The following CUX1 variants were observed in gnomAD, a reference collection of about 807,000 sequenced individuals.
The protein encoded by CUX1 is protein CASP.
CUX1 carries 31 observed loss-of-function variants against 158.8 expected under a neutral mutation model. The observed-to-expected ratio is 0.20, with a 90% CI of 0.15 to 0.26. CUX1 has a LOEUF of 0.26. CUX1 is among the 10% of genes least tolerant of loss of function. The probability of loss-of-function intolerance (pLI) is 1.00; values close to 1 mark genes in which losing one functional copy is unlikely to be tolerated. For missense variants in CUX1, 1,589 were observed against 2,014.6 expected (o/e 0.79, Z 4.04); for synonymous variants, 879 against 862.1 (o/e 1.02, Z -0.34).
At chr7:101,900,308 G>A (rs1401465836) in intron 1 of CUX1, among the ~76,000 whole-genome samples, 1 of 152,202 alleles carries the variant, frequency 6.6e-6, no homozygotes, top group African/African-American at 2.4e-5. Flanking sequence ...GTTTCCTGGT[G>A]GCAGCCAGCG....
intron 1 of CUX1, among the ~76,000 whole-genome samples, chr7:101,886,565 C>T (rs1800249145): frequency 6.6e-6 from 1 of 152,176 alleles, no homozygotes; most frequent in African/African-American, 2.4e-5. Context: ...AGGCTTTTGC[C>T]ACCAACACGA....
Position 102,234,177 on chromosome 7 carries a change from C to T in CUX1, c.3559C>T (p.Leu1187=), listed in dbSNP as rs1391592022. 8 of 1,599,392 alleles carry T rather than the reference C, an allele frequency of 5.0e-6. No homozygotes were observed. Among genetic ancestry groups the T allele is most frequent in the Non-Finnish European group, 8.5e-7 (1 of 1,173,880 alleles). The part of the protein sequence containing the change: ...KGREPFVRMQ[L]WLNDPNNVEK... Reference sequence around the variant, plus strand: ...ACGAGAGCCCTTCGTCCGGATGCAGCTGTGGCTGAACGACCCCAACAATGT... The same window carrying T: ...ACGAGAGCCCTTCGTCCGGATGCAGTTGTGGCTGAACGACCCCAACAATGT... The change falls in exon 22 of 24, where the codon CTG becomes TTG. Residue 1187 remains leucine, a synonymous_variant. Transcript: ENST00000292535.
At chr7:101,906,047 A>C (rs1802717284) in intron 1 of CUX1, among the ~76,000 whole-genome samples, 1 of 151,828 alleles carries the variant, frequency 6.6e-6, no homozygotes, top group Non-Finnish European at 1.5e-5. Flanking sequence ...GCTGGTCTCA[A>C]AGTACTGGGC....
intron 2 of CUX1, among the ~76,000 whole-genome samples, chr7:101,985,246 G>C (rs1308635062): frequency 6.6e-6 from 1 of 152,170 alleles, no homozygotes; most frequent in Non-Finnish European, 1.5e-5. Flanking sequence ...TTTCACCTTT[G>C]GTTCTGAGCT....
At chr7:101,865,185 A>C (rs949853432) in intron 1 of CUX1, among the ~76,000 whole-genome samples, 8 of 152,092 alleles carry the variant, frequency 5.3e-5, no homozygotes, top group South Asian at 2.1e-4. Context: ...CGCTGACACC[A>C]TTTCGAGGTC....
chr7:102,240,599 G>T (rs1399704141), intron 23 of CUX1, among the ~76,000 whole-genome samples: 2 of 152,070 alleles, frequency 1.3e-5, no homozygotes, highest in Non-Finnish European at 2.9e-5. Context: ...CTTTCTCGGG[G>T]TCTTCTGCCA....
At chr7:101,969,359 C>CAAAAAAAAAAAAAAAAAAAAAAAACAA (rs10711703) in intron 2 of CUX1, among the ~76,000 whole-genome samples, 2 of 56,116 alleles carry the variant, frequency 3.6e-5, no homozygotes, top group African/African-American at 7.4e-5. Context: ...CAAAAAACAG[C>CAAAAAAAAAAAAAAAAAAAAAAAACAA]AAAAAAAAAA....
At position 102,255,831 on chromosome 7, in the gene CUX1, T is replaced by C; in HGVS notation, c.*6789T>C. ...CCCCCTTTTCCTTCTTCTTTTTTATTATTTTATTATTTTTTTTGTACTTTG... is the reference window on the plus strand; with the variant it reads ...CCCCCTTTTCCTTCTTCTTTTTTATCATTTTATTATTTTTTTTGTACTTTG... On this transcript the variant is annotated 3_prime_UTR_variant, in exon 24 of 24. Transcript: ENST00000292535. 1.0e-6 allele frequency: 1 copy of C among 982,344 alleles called. No homozygotes were observed. Among genetic ancestry groups the C allele is most frequent in the Middle Eastern group, 5.3e-4 (1 of 1,902 alleles). The allele number at this position is 982,344 out of a possible 1,614,324, so 60.9% of individuals were successfully genotyped here.
At chr7:102,013,521 T>C (rs549836084) in intron 2 of CUX1, among the ~76,000 whole-genome samples, 16 of 152,278 alleles carry the variant, frequency 1.1e-4, no homozygotes, top group African/African-American at 3.6e-4. Context: ...AAAGCTTGCT[T>C]AGAGGAATTC....
At chr7:102,019,446 A>C (rs1819077759) in intron 2 of CUX1, among the ~76,000 whole-genome samples, 1 of 152,050 alleles carries the variant, frequency 6.6e-6, no homozygotes, top group Admixed American at 6.6e-5. Flanking sequence ...GCTGGTCTTG[A>C]ACTCCTGCCC....
chr7:102,180,059 T>G (rs1792858486), intron 11 of CUX1, among the ~76,000 whole-genome samples: 1 of 152,206 alleles, frequency 6.6e-6, no homozygotes, highest in African/African-American at 2.4e-5. Context: ...TTTTCGCTTT[T>G]GTCGCCGAGA....
intron 20 of CUX1, among the ~76,000 whole-genome samples, chr7:102,215,682 C>T (rs1796980469): frequency 6.6e-6 from 1 of 152,198 alleles, no homozygotes; most frequent in South Asian, 2.1e-4. Context: ...AAAATCTCAA[C>T]TTGGTTCTGC....
At chr7:101,882,397 T>C (rs1186181950) in intron 1 of CUX1, among the ~76,000 whole-genome samples, 3 of 152,054 alleles carry the variant, frequency 2.0e-5, no homozygotes, top group African/African-American at 7.2e-5. Context: ...CAAAAGTGTC[T>C]CTTCAGAGAC....
At chr7:102,239,891 C>T (rs1406330341) in intron 23 of CUX1, among the ~76,000 whole-genome samples, 2 of 152,146 alleles carry the variant, frequency 1.3e-5, no homozygotes, top group African/African-American at 2.4e-5. Flanking sequence ...GGATTACAGG[C>T]ATGCACCACC....
chr7:101,924,429 G>C (rs1261734724), intron 2 of CUX1, among the ~76,000 whole-genome samples: 2 of 152,122 alleles, frequency 1.3e-5, no homozygotes, highest in East Asian at 3.9e-4. Context: ...TAGTCACCAG[G>C]GCTCCATGGC....
At chr7:101,822,906 GAAAAA>G (rs796103013) in intron 1 of CUX1, among the ~76,000 whole-genome samples, 950 of 87,604 alleles carry the variant, frequency 0.011, 11 homozygotes, top group African/African-American at 0.038. Flanking sequence ...CTCTGTCTCA[GAAAAA>G]AAAAAAAAAA....
intron 11 of CUX1, among the ~76,000 whole-genome samples, chr7:102,188,134 G>C (rs1216459530): frequency 2.0e-5 from 3 of 152,066 alleles, no homozygotes; most frequent in Admixed American, 6.6e-5. Context: ...AGGAGTTGGA[G>C]GCTGTAGTGA....
At chr7:102,043,306 A>T (rs1046915114) in intron 3 of CUX1, among the ~76,000 whole-genome samples, 4 of 146,994 alleles carry the variant, frequency 2.7e-5, no homozygotes, top group African/African-American at 1.0e-4. Context: ...CAATCTGACA[A>T]CATACCCATT....
At chr7:101,938,038 A>G (rs1807158266) in intron 2 of CUX1, among the ~76,000 whole-genome samples, 2 of 152,244 alleles carry the variant, frequency 1.3e-5, no homozygotes, top group East Asian at 1.9e-4. Flanking sequence ...GACAGTAAAT[A>G]TTTGGATCTA....
Sources: gnomAD v4.1 joint callset for allele counts (sites outside exome capture counted in the v4.1 genomes callset) on GRCh38, gnomAD v4.1.1 for gene constraint, MANE v1.5 for transcripts, NCBI Gene and HGNC (gene_info 2026-07-23, HGNC 2026-07-21) for gene names.